The following HHAT variants were observed in gnomAD, a reference collection of about 807,000 sequenced individuals.
HHAT encodes the protein hedgehog acyltransferase, also known as protein-cysteine N-palmitoyltransferase HHAT.
Under a neutral mutation model 70.8 loss-of-function variants are expected in HHAT, and 47 were observed. The ratio of observed to expected loss-of-function variants is 0.66; its 90% CI spans 0.53 to 0.85. HHAT has a LOEUF of 0.85. HHAT is among the 40% of genes least tolerant of loss of function. The pLI is 0.00. For synonymous variants in HHAT, 228 were observed against 247.6 expected (o/e 0.92, Z 0.74); for missense variants, 609 against 604.8 (o/e 1.01, Z -0.07).
At chr1:210,413,177 CA>C (rs1239363000) in intron 6 of HHAT, among the ~76,000 whole-genome samples, 3 of 152,220 alleles carry the variant, frequency 2.0e-5, no homozygotes, top group African/African-American at 7.2e-5. Flanking sequence ...AATTGTAAAA[CA>C]TAACTAAAAT....
At chr1:210,515,083 T>C (rs970572755) in intron 9 of HHAT, among the ~76,000 whole-genome samples, 1 of 152,194 alleles carries the variant, frequency 6.6e-6, no homozygotes, top group Non-Finnish European at 1.5e-5. Context: ...CAGTGTTCTG[T>C]GAAGCAAGCA....
At chr1:210,361,329 C>T (rs1042921638) in intron 2 of HHAT, among the ~76,000 whole-genome samples, 1 of 152,196 alleles carries the variant, frequency 6.6e-6, no homozygotes, top group Non-Finnish European at 1.5e-5. Context: ...CAAATAGGTG[C>T]GTGCACGCAC....
intron 7 of HHAT, chr1:210,462,926 C>A (rs905844798): frequency 6.6e-6 from 1 of 152,152 alleles, no homozygotes; most frequent in Non-Finnish European, 1.5e-5. Context: ...TCAGAATATC[C>A]CAGAAGATAA....
chr1:210,352,883 G>A (rs181007556), intron 2 of HHAT, among the ~76,000 whole-genome samples: 61 of 151,926 alleles, frequency 4.0e-4, no homozygotes, highest in African/African-American at 1.4e-3. Flanking sequence ...TGTTGCATTA[G>A]GTTGGTGCCT....
chr1:210,543,007 C>T (rs1414441665), intron 9 of HHAT, among the ~76,000 whole-genome samples: 1 of 152,086 alleles, frequency 6.6e-6, no homozygotes, highest in Non-Finnish European at 1.5e-5. Context: ...AGACAGGCAT[C>T]ATGGGGAGAA....
chr1:210,455,431 GT>G (rs533126555), intron 7 of HHAT, among the ~76,000 whole-genome samples: 14 of 151,958 alleles, frequency 9.2e-5, no homozygotes, highest in African/African-American at 3.4e-4. Context: ...CGTTCCCTTT[GT>G]TTTTTTGGTT....
intron 8 of HHAT, among the ~76,000 whole-genome samples, chr1:210,470,090 T>C (rs2094176629): frequency 6.6e-6 from 1 of 152,092 alleles, no homozygotes; most frequent in Non-Finnish European, 1.5e-5. Flanking sequence ...AGCAATCCTC[T>C]CACCTTGGCC....
intron 10 of HHAT, among the ~76,000 whole-genome samples, chr1:210,594,784 C>G (rs150747349): frequency 2.0e-3 from 312 of 152,206 alleles, no homozygotes; most frequent in African/African-American, 7.4e-3. Flanking sequence ...ATTTCTCCTT[C>G]GTGTTTGAAG....
intron 6 of HHAT, among the ~76,000 whole-genome samples, chr1:210,408,549 A>G (rs539320765): frequency 6.6e-6 from 1 of 152,270 alleles, no homozygotes; most frequent in Admixed American, 6.5e-5. Flanking sequence ...TTAGGTCAGA[A>G]GTGAGACCCT....
chr1:210,417,808 A>G (rs1447173086), intron 6 of HHAT, among the ~76,000 whole-genome samples: 1 of 152,100 alleles, frequency 6.6e-6, no homozygotes, highest in African/African-American at 2.4e-5. Flanking sequence ...TGTAGCCCGA[A>G]ACTCCAAATT....
intron 11 of HHAT, among the ~76,000 whole-genome samples, chr1:210,643,038 A>G (rs6540616): frequency 0.86 from 130,218 of 152,166 alleles, 55,832 homozygotes; most frequent in Middle Eastern, 0.91. Context: ...ATGTGCGATA[A>G]GGATCAATTT....
intron 9 of HHAT, among the ~76,000 whole-genome samples, chr1:210,555,164 A>T (rs2095560985): frequency 6.6e-6 from 1 of 152,158 alleles, no homozygotes; most frequent in African/African-American, 2.4e-5. Context: ...ACAAAGAGAA[A>T]CTAACAACCA....
chr1:210,487,571 A>G (rs991325546), intron 8 of HHAT, among the ~76,000 whole-genome samples: 2 of 152,192 alleles, frequency 1.3e-5, no homozygotes, highest in African/African-American at 4.8e-5. Flanking sequence ...ACTGAGAGGT[A>G]TGGATAATGA....
chr1:210,446,311 TTGAAAGATTATTG>T (rs1290163601), intron 7 of HHAT, among the ~76,000 whole-genome samples: 8 of 152,206 alleles, frequency 5.3e-5, no homozygotes, highest in Non-Finnish European at 1.0e-4. Flanking sequence ...ACTTTTCTTC[TTGAAAGATTATTG>T]TTTGAAGCCT....
intron 8 of HHAT, among the ~76,000 whole-genome samples, chr1:210,497,841 C>T (rs958738463): frequency 2.0e-5 from 3 of 151,536 alleles, no homozygotes; most frequent in Non-Finnish European, 4.4e-5. Context: ...TCTTGACTCA[C>T]TGCAACCTCC....
chr1:210,545,635 C>T (rs1215353342), intron 9 of HHAT, among the ~76,000 whole-genome samples: 1 of 152,012 alleles, frequency 6.6e-6, no homozygotes, highest in Admixed American at 6.6e-5. Flanking sequence ...TGGGGTTTCA[C>T]CACATTGTCC....
chr1:210,466,948 G>C (rs2094120818), intron 8 of HHAT, among the ~76,000 whole-genome samples: 1 of 152,166 alleles, frequency 6.6e-6, no homozygotes. Context: ...CAAAAGAGTA[G>C]TAATGAAAAG....
At chr1:210,374,987 C>G (rs2090068929) in intron 3 of HHAT, among the ~76,000 whole-genome samples, 1 of 152,194 alleles carries the variant, frequency 6.6e-6, no homozygotes, top group Non-Finnish European at 1.5e-5. Context: ...ACAGGAGAAC[C>G]TGATGGTTAG....
intron 10 of HHAT, among the ~76,000 whole-genome samples, chr1:210,596,353 G>A (rs1394641475): frequency 3.9e-5 from 6 of 152,148 alleles, no homozygotes; most frequent in Non-Finnish European, 2.9e-5. Context: ...CTTGAATACT[G>A]ATATCGTTCT....
Sources: allele counts gnomAD v4.1 joint callset (sites outside exome capture counted in the v4.1 genomes callset), GRCh38; gene constraint gnomAD v4.1.1; transcripts MANE v1.5; gene names NCBI Gene and HGNC (gene_info 2026-07-23, HGNC 2026-07-21).